EPHA3: variants seen among roughly 807,000 people sequenced by gnomAD.
EPHA3 encodes ephrin type-A receptor 3.
EPHA3 carries 42 observed loss-of-function variants against 107.1 expected under a neutral mutation model. The observed-to-expected ratio is 0.39, with a 90% CI of 0.31 to 0.51. The LOEUF (loss-of-function observed/expected upper bound fraction) is 0.51, where lower values mean the gene tolerates loss of function less well. EPHA3 is among the 20% of genes least tolerant of loss of function. The probability of loss-of-function intolerance (pLI) is 0.78; values close to 1 mark genes in which losing one functional copy is unlikely to be tolerated. For missense variants in EPHA3, 1,183 were observed against 1,211.2 expected, an observed-to-expected ratio of 0.98 and a Z score of 0.35; for synonymous variants, 461 against 424.8, an observed-to-expected ratio of 1.09 and a Z score of -1.05.
chr3:89,430,511 A>G (rs1300882095), intron 12 of EPHA3, among the ~76,000 whole-genome samples: 1 of 152,178 alleles, frequency 6.6e-6, no homozygotes, highest in Non-Finnish European at 1.5e-5. Context: ...ATGGAATTTT[A>G]TATAAATACA....
At chr3:89,130,059 AG>A (rs1704173439) in intron 2 of EPHA3, among the ~76,000 whole-genome samples, 1 of 152,156 alleles carries the variant, frequency 6.6e-6, no homozygotes, top group South Asian at 2.1e-4. Context: ...TGAGCGAGTA[AG>A]GGAAGAGGGA....
intron 2 of EPHA3, among the ~76,000 whole-genome samples, chr3:89,196,630 G>A (rs1156660167): frequency 1.3e-5 from 2 of 151,890 alleles, no homozygotes; most frequent in African/African-American, 4.8e-5. Flanking sequence ...TCACCTGCTC[G>A]GAATGTGCTC....
chr3:89,171,433 G>A (rs1457742597), intron 2 of EPHA3, among the ~76,000 whole-genome samples: 1 of 152,100 alleles, frequency 6.6e-6, no homozygotes, highest in Admixed American at 6.5e-5. Context: ...AATGAAGCAA[G>A]CAATGGATAT....
chr3:89,383,639 CTTT>C (rs71621546), intron 5 of EPHA3, among the ~76,000 whole-genome samples: 2 of 87,962 alleles, frequency 2.3e-5, no homozygotes, highest in African/African-American at 4.3e-5. Flanking sequence ...ACTTCTTCTT[CTTT>C]TTTTTTTTTT....
Position 89,480,620 on chromosome 3 carries a change from A to G in EPHA3, c.*1118A>G, listed in dbSNP as rs74438214. The G allele has an allele frequency of 1.4e-5, 2 of 143,484 alleles. No homozygotes were observed. The highest frequency in any genetic ancestry group is 1.8e-4 in the East Asian group (2 of 10,932). 8.9% of individuals were successfully genotyped at this position (143,484 alleles called of 1,614,324 possible). On this transcript the variant is annotated 3_prime_UTR_variant, in exon 17 of 17. Transcript: ENST00000336596. ...ACAGCCTATAGGCCAATGCATGAGT[A>G]AAAAAAAAAACAATTACTGGCTCAC...
intron 3 of EPHA3, among the ~76,000 whole-genome samples, chr3:89,324,875 C>T (rs1407709913): frequency 2.0e-5 from 3 of 152,076 alleles, no homozygotes; most frequent in Non-Finnish European, 4.4e-5. Flanking sequence ...GCCATTGGTC[C>T]CCAATGTCTA....
chr3:89,195,929 A>G (rs558201887), intron 2 of EPHA3, among the ~76,000 whole-genome samples: 2 of 152,158 alleles, frequency 1.3e-5, no homozygotes, highest in South Asian at 4.1e-4. Context: ...ATTTTCTACT[A>G]TTGTCTTTAT....
chr3:89,180,097 G>T (rs1436506109), intron 2 of EPHA3, among the ~76,000 whole-genome samples: 1 of 151,444 alleles, frequency 6.6e-6, no homozygotes, highest in Non-Finnish European at 1.5e-5. Context: ...TGTTCTATTT[G>T]TTTCCGTGTT....
intron 5 of EPHA3, among the ~76,000 whole-genome samples, chr3:89,367,492 A>G (rs1263818509): frequency 6.6e-6 from 1 of 150,602 alleles, no homozygotes; most frequent in African/African-American, 2.4e-5. Context: ...TGATAAAATC[A>G]TTGTCAGATT....
chr3:89,189,052 G>A (rs1705641083), intron 2 of EPHA3, among the ~76,000 whole-genome samples: 1 of 152,192 alleles, frequency 6.6e-6, no homozygotes, highest in Non-Finnish European at 1.5e-5. Flanking sequence ...TGTGCCTGGA[G>A]TGTAATACCT....
intron 1 of EPHA3, among the ~76,000 whole-genome samples, chr3:89,116,488 C>A (rs1160466120): frequency 6.6e-6 from 1 of 152,010 alleles, no homozygotes; most frequent in Non-Finnish European, 1.5e-5. Context: ...CACTTGTATT[C>A]TATTTAACTC....
At chr3:89,237,217 C>G (rs1382650186) in intron 3 of EPHA3, among the ~76,000 whole-genome samples, 1 of 152,068 alleles carries the variant, frequency 6.6e-6, no homozygotes, top group Non-Finnish European at 1.5e-5. Context: ...TAAAAATACA[C>G]AAAAATCAAC....
At chr3:89,432,067 CTAAT>C (rs1233930200) in intron 13 of EPHA3, among the ~76,000 whole-genome samples, 4 of 151,920 alleles carry the variant, frequency 2.6e-5, no homozygotes, top group African/African-American at 9.7e-5. Context: ...AAAGCAAACC[CTAAT>C]TAGTGAGCAA....
chr3:89,210,376 G>A lies in EPHA3; in HGVS notation c.670G>A (p.Val224Met). 2.5e-6 allele frequency: 4 copies of A among 1,613,896 alleles called. No individual in the cohort carries two copies. The highest frequency in any genetic ancestry group is 1.7e-6 in the Non-Finnish European group (2 of 1,179,896). The change falls in exon 3 of 17, where the codon GTG becomes ATG. Residue 224 changes from valine to methionine, a missense_variant. Physicochemically the swap from Val to Met is conservative, Grantham distance 21. Transcript: ENST00000336596. ...DTVPMDSQSL[V>M]EVRGSCVNNS... ...GGTACCCATGGACTCCCAGTCCCTG[G>A]TGGAGGTTAGAGGGTCTTGTGTCAA...
At chr3:89,409,583 T>A in intron 9 of EPHA3, among the ~76,000 whole-genome samples, 1 of 152,046 alleles carries the variant, frequency 6.6e-6, no homozygotes, top group South Asian at 2.1e-4. Flanking sequence ...GAAACTTTAA[T>A]TTTTTTCAAA....
chr3:89,440,868 A>G (rs1335917002), intron 13 of EPHA3, among the ~76,000 whole-genome samples: 8 of 152,248 alleles, frequency 5.3e-5, no homozygotes, highest in East Asian at 1.9e-4. Context: ...CCATGTGGAT[A>G]TGCAATTTAT....
At chr3:89,113,205 C>A (rs1036411713) in intron 1 of EPHA3, among the ~76,000 whole-genome samples, 1 of 151,926 alleles carries the variant, frequency 6.6e-6, no homozygotes, top group Admixed American at 6.6e-5. Context: ...AATGTGGAAA[C>A]CTTAGCTAAC....
intron 2 of EPHA3, among the ~76,000 whole-genome samples, chr3:89,136,029 G>T (rs1167783485): frequency 6.6e-6 from 1 of 152,050 alleles, no homozygotes; most frequent in Non-Finnish European, 1.5e-5. Context: ...CTTACCAACT[G>T]GATTTCTAGC....
intron 5 of EPHA3, among the ~76,000 whole-genome samples, chr3:89,345,766 CT>C (rs1191382720): frequency 5.3e-5 from 6 of 112,860 alleles, no homozygotes; most frequent in Non-Finnish European, 1.1e-4. Flanking sequence ...TCTCTCCCCC[CT>C]CCCCCCACCC....
Sources: allele counts gnomAD v4.1 joint callset (sites outside exome capture counted in the v4.1 genomes callset), GRCh38; gene constraint gnomAD v4.1.1; transcripts MANE v1.5; gene names NCBI Gene and HGNC (gene_info 2026-07-23, HGNC 2026-07-21).